The following RSRC1 variants were observed in gnomAD, a reference collection of about 807,000 sequenced individuals.
RSRC1 encodes the protein arginine and serine rich coiled-coil 1.
Under a neutral mutation model 49.1 loss-of-function variants are expected in RSRC1, and 39 were observed. The observed-to-expected ratio is 0.79, with a 90% CI of 0.61 to 1.04. RSRC1 has a LOEUF of 1.04. Among genes scored for constraint, RSRC1 ranks in the 50% least tolerant of loss-of-function variants. The pLI is 0.00. For synonymous variants in RSRC1, 143 were observed against 130.8 expected (o/e 1.09, Z -0.63); for missense variants, 388 against 402.4 (o/e 0.96, Z 0.31).
chr3:158,419,183 A>G (rs1227305895), intron 6 of RSRC1, among the ~76,000 whole-genome samples: 2 of 152,032 alleles, frequency 1.3e-5, no homozygotes, highest in East Asian at 3.9e-4. Flanking sequence ...AAGTATAATC[A>G]ATATAAATAT....
chr3:158,119,434 T>C (rs1457928240), intron 1 of RSRC1, among the ~76,000 whole-genome samples: 2 of 152,210 alleles, frequency 1.3e-5, no homozygotes, highest in Non-Finnish European at 2.9e-5. Flanking sequence ...TAATCTTATT[T>C]TGGTATTTTT....
chr3:158,343,571 C>A (rs560039364), intron 5 of RSRC1, among the ~76,000 whole-genome samples: 10 of 152,086 alleles, frequency 6.6e-5, no homozygotes, highest in Non-Finnish European at 8.8e-5. Context: ...CTGTATTGCA[C>A]CTGATCAGAG....
intron 5 of RSRC1, among the ~76,000 whole-genome samples, chr3:158,301,905 T>TCC (rs1727567117): frequency 6.6e-6 from 1 of 152,084 alleles, no homozygotes; most frequent in Admixed American, 6.6e-5. Flanking sequence ...TCTAGCCTGT[T>TCC]CTCCTCCACC....
intron 6 of RSRC1, among the ~76,000 whole-genome samples, chr3:158,357,291 T>G (rs971932544): frequency 3.3e-5 from 5 of 152,178 alleles, no homozygotes. Context: ...GGTCCAAAAG[T>G]AATTGCAGTT....
chr3:158,470,910 A>G (rs1738108595), intron 7 of RSRC1, among the ~76,000 whole-genome samples: 1 of 152,222 alleles, frequency 6.6e-6, no homozygotes, highest in South Asian at 2.1e-4. Context: ...GGTAGAACCA[A>G]AAGTTAGACT....
intron 4 of RSRC1, among the ~76,000 whole-genome samples, chr3:158,285,303 C>A (rs375693695): frequency 7.3e-4 from 111 of 152,134 alleles, no homozygotes; most frequent in Admixed American, 1.2e-3. Flanking sequence ...GTAGCCTTGT[C>A]GTATAGTTTG....
chr3:158,120,926 T>C (rs1214069759), intron 1 of RSRC1, among the ~76,000 whole-genome samples: 1 of 14,080 alleles, frequency 7.1e-5, no homozygotes, highest in Non-Finnish European at 1.1e-4. Flanking sequence ...AGAATCTAAA[T>C]TAAAGTAAGA....
chr3:158,410,115 T>A (rs1734375433), intron 6 of RSRC1, among the ~76,000 whole-genome samples: 1 of 152,108 alleles, frequency 6.6e-6, no homozygotes, highest in Admixed American at 6.6e-5. Flanking sequence ...TACTATTTTT[T>A]AAAAAAAGCG....
At chr3:158,333,373 A>G (rs1559997820) in intron 5 of RSRC1, among the ~76,000 whole-genome samples, 1 of 152,358 alleles carries the variant, frequency 6.6e-6, no homozygotes, top group East Asian at 1.9e-4. Flanking sequence ...ATATAAAACT[A>G]GTGATTACTA....
chr3:158,138,705 A>G (rs1365101981), intron 3 of RSRC1, among the ~76,000 whole-genome samples: 5 of 152,242 alleles, frequency 3.3e-5, no homozygotes, highest in South Asian at 2.1e-4. Flanking sequence ...ATAACAAACT[A>G]TAGAAAATAA....
At chr3:158,316,291 A>C (rs1470005474) in intron 5 of RSRC1, among the ~76,000 whole-genome samples, 1 of 152,196 alleles carries the variant, frequency 6.6e-6, no homozygotes, top group East Asian at 1.9e-4. Flanking sequence ...AGACCAGCAG[A>C]ATGTCAGCTT....
At chr3:158,184,991 T>G (rs1189119737) in intron 3 of RSRC1, among the ~76,000 whole-genome samples, 1 of 150,560 alleles carries the variant, frequency 6.6e-6, no homozygotes, top group Non-Finnish European at 1.5e-5. Context: ...CACATAGTTT[T>G]CGGAGTTTGA....
chr3:158,217,774 A>T (rs968968466), intron 4 of RSRC1, among the ~76,000 whole-genome samples: 7 of 126,140 alleles, frequency 5.5e-5, no homozygotes, highest in African/African-American at 1.2e-4. Flanking sequence ...GTGGGGGGGG[A>T]ATTGTAAATA....
At chr3:158,335,189 A>G (rs1386381094) in intron 5 of RSRC1, among the ~76,000 whole-genome samples, 1 of 152,172 alleles carries the variant, frequency 6.6e-6, no homozygotes, top group Non-Finnish European at 1.5e-5. Flanking sequence ...TTTAATAAAG[A>G]TTTTGAATAT....
intron 4 of RSRC1, among the ~76,000 whole-genome samples, chr3:158,228,770 T>G (rs955214039): frequency 2.0e-5 from 3 of 151,364 alleles, no homozygotes; most frequent in African/African-American, 4.8e-5. Flanking sequence ...TGTGTGTATA[T>G]ATATATGTGT....
chr3:158,163,496 T>C (rs759850944), intron 3 of RSRC1, among the ~76,000 whole-genome samples: 1 of 152,206 alleles, frequency 6.6e-6, no homozygotes, highest in Non-Finnish European at 1.5e-5. Flanking sequence ...GCAAAACTAC[T>C]GTTCTCATAG....
intron 7 of RSRC1, among the ~76,000 whole-genome samples, chr3:158,529,783 G>A (rs538477237): frequency 6.6e-4 from 101 of 152,026 alleles, no homozygotes; most frequent in Non-Finnish European, 1.1e-3. Context: ...GGTTTCTACC[G>A]CCTAACTGTC....
At chr3:158,360,992 C>T (rs1295260125) in intron 6 of RSRC1, among the ~76,000 whole-genome samples, 1 of 152,178 alleles carries the variant, frequency 6.6e-6, no homozygotes, top group Non-Finnish European at 1.5e-5. Context: ...GCAACCAGGG[C>T]AGGAGAGATG....
chr3:158,405,871 C>T (rs1410231063), intron 6 of RSRC1, among the ~76,000 whole-genome samples: 1 of 152,030 alleles, frequency 6.6e-6, no homozygotes, highest in Admixed American at 6.6e-5. Context: ...TAGGTTTCCC[C>T]TTGTACACTC....
Sources: allele counts gnomAD v4.1 joint callset (sites outside exome capture counted in the v4.1 genomes callset), GRCh38; gene constraint gnomAD v4.1.1; transcripts MANE v1.5; gene names NCBI Gene and HGNC (gene_info 2026-07-23, HGNC 2026-07-21).